The following ZNF135 variants were observed in gnomAD, a reference collection of about 807,000 sequenced individuals.
ZNF135 encodes the protein zinc finger protein 135 (clone pHZ-17).
In ZNF135, 11 loss-of-function variants were observed where a neutral mutation model predicts 12.3. The observed-to-expected ratio is 0.89, with a 90% CI of 0.56 to 1.48. The LOEUF is 1.48. Ranked by LOEUF, ZNF135 falls within the 40% of genes most tolerant of loss-of-function variation. The pLI is 0.00. For synonymous variants in ZNF135, 316 were observed against 312.0 expected (o/e 1.01, Z -0.14); for missense variants, 722 against 815.7 (o/e 0.89, Z 1.40).
In ZNF135 at chr19:58,067,198, A is replaced by G. The variant is rs200166263; in HGVS notation, c.714A>G (p.Gly238=). 3.1e-6 allele frequency: 5 copies of G among 1,613,994 alleles called. No homozygotes were observed. The highest frequency in any genetic ancestry group is 1.3e-5 in the African/African-American group (1 of 74,932). ...TCGAACACCACCGGACGCACACAGG[A>G]GAGAGACCTTACGAATGTCACGAAT... The part of the protein sequence containing the change: ...ALIEHHRTHT[G]ERPYECHECL... The change falls in exon 5 of 5, where the codon GGA becomes GGG. Residue 238 remains glycine (G), a synonymous_variant. Transcript: ENST00000313434.
chr19:58,060,046 C>T lies in ZNF135; in HGVS notation c.33+11C>T, dbSNP rs559449826. ...GTCTCCACAGACCCGGTGAGAATCT[C>T]GGCCTCCTTGCGCGTGTCCTCCACC... On this transcript the variant is annotated intron_variant, in intron 2 of 4. Transcript: ENST00000313434. The surrounding 1 kb of genome is among the most constrained non-coding windows in gnomAD (Gnocchi z 4.9). The T allele has an allele frequency of 1.1e-5, 17 of 1,613,236 alleles. No individual in the cohort carries two copies. The highest frequency in any genetic ancestry group is 1.3e-5 in the African/African-American group (1 of 75,020).
Position 58,059,360 on chromosome 19 carries a change from C to CGGGCT in ZNF135, c.-35+54_-35+55insTGGGC, listed in dbSNP as rs1248483451. 2.8e-6 allele frequency: 2 copies of CGGGCT among 702,662 alleles called. No homozygotes were observed. The highest frequency in any genetic ancestry group is 5.0e-5 in the African/African-American group (2 of 39,624). The allele number at this position is 702,662 out of a possible 1,614,324, so 43.5% of individuals were successfully genotyped here. On this transcript the variant is annotated intron_variant, in intron 1 of 4. Coordinates refer to ENST00000313434, the MANE Select transcript of ZNF135 (RefSeq NM_001289401.2). The surrounding 1 kb of genome is among the most constrained non-coding windows in gnomAD (Gnocchi z 6.5). ...GAGGGGAGGCCAGGCCGGGCCGGGC[C>CGGGCT]GGGCCGGGTGCGGGGGGTCCGGGGA...
chr19:58,060,075 T>TG lies in ZNF135; in HGVS notation c.33+41dup. On this transcript the variant is annotated intron_variant, in intron 2 of 4. Coordinates refer to ENST00000313434, the MANE Select transcript of ZNF135 (RefSeq NM_001289401.2). The surrounding 1 kb of genome is among the most constrained non-coding windows in gnomAD (Gnocchi z 4.9). Reference sequence around the variant, plus strand: ...CTCCTTGCGCGTGTCCTCCACCTCGTGCCCGGCCTCCTCGCGCGCGGCCTT... The same window carrying TG: ...CTCCTTGCGCGTGTCCTCCACCTCGTGGCCCGGCCTCCTCGCGCGCGGCCTT... 6.2e-7 allele frequency: 1 copy of TG among 1,611,704 alleles called. No individual in the cohort carries two copies. Among genetic ancestry groups the TG allele is most frequent in the Non-Finnish European group, 8.5e-7 (1 of 1,179,670 alleles).
Position 58,068,358 on chromosome 19 carries a change from G to C in ZNF135, c.1874G>C (p.Arg625Pro). 1.2e-6 allele frequency: 2 copies of C among 1,611,432 alleles called. No individual in the cohort carries two copies. Among genetic ancestry groups the C allele is most frequent in the Non-Finnish European group, 1.7e-6 (2 of 1,179,134 alleles). Residue 625 changes from arginine (R) to proline (P), a missense_variant, in exon 5 of 5, where the codon CGG becomes CCG. Arg to Pro is a moderately radical substitution (Grantham distance 103). Coordinates refer to ENST00000313434, the MANE Select transcript of ZNF135 (RefSeq NM_001289401.2). ...FRQSTHLTQHRRIHTGEKPYA... is the reference protein window; with the variant it reads ...FRQSTHLTQHPRIHTGEKPYA... ...CAGAGCACCCACCTCACTCAGCACC[G>C]GAGGATCCACACAGGAGAGAAGCCA...
At position 58,067,189 on chromosome 19, in the gene ZNF135, G is replaced by A. The variant is rs764214997; in HGVS notation, c.705G>A (p.Thr235=). The change falls in exon 5 of 5, where the codon ACG becomes ACA. Residue 235 remains threonine (T), a synonymous_variant. Coordinates refer to ENST00000313434, the MANE Select transcript of ZNF135 (RefSeq NM_001289401.2). The part of the protein sequence containing the change: ...HSSALIEHHR[T]HTGERPYECH... ...CAGCACTTATCGAACACCACCGGAC[G>A]CACACAGGAGAGAGACCTTACGAAT... 12 of 1,614,054 alleles carry A rather than the reference G, an allele frequency of 7.4e-6. No individual in the cohort carries two copies. The highest frequency in any genetic ancestry group is 1.1e-5 in the South Asian group (1 of 91,078).
At position 58,067,318 on chromosome 19, in the gene ZNF135, C is replaced by T. The variant is rs1372404634; in HGVS notation, c.834C>T (p.Thr278=). The part of the protein sequence containing the change: ...KPYKCTQCGR[T]FNQIAPLIQH... ...ATAAATGCACTCAGTGTGGGAGGAC[C>T]TTCAACCAAATTGCCCCACTGATCC... The change falls in exon 5 of 5, where the codon ACC becomes ACT. Residue 278 remains threonine (T), a synonymous_variant. Transcript: ENST00000313434. 1 of 1,614,068 alleles carries T rather than the reference C, an allele frequency of 6.2e-7. No homozygotes were observed. The highest frequency in any genetic ancestry group is 1.3e-5 in the African/African-American group (1 of 74,926).
Position 58,060,331 on chromosome 19 carries a change from C to T in ZNF135, c.33+296C>T, listed in dbSNP as rs1240212909. 3.8e-6 allele frequency: 5 copies of T among 1,332,668 alleles called. No individual in the cohort carries two copies. Among genetic ancestry groups the T allele is most frequent in the Non-Finnish European group, 4.8e-6 (5 of 1,037,646 alleles). 82.6% of individuals were successfully genotyped at this position (1,332,668 alleles called of 1,614,324 possible). On this transcript the variant is annotated intron_variant, in intron 2 of 4. Coordinates refer to ENST00000313434, the MANE Select transcript of ZNF135 (RefSeq NM_001289401.2). This position sits in a 1 kb window ranked among gnomAD's most constrained non-coding sequence, Gnocchi z 4.9. ...CGGCCTCTACCTGCACACCCGGCCT[C>T]CTAAAGTCCGCGCCAAGCTCCCCAA...
In ZNF135 at chr19:58,067,911, G is replaced by A. The variant is rs534584554; in HGVS notation, c.1427G>A (p.Arg476Gln). ...TGCAGTCAGTGTGGGAAGGCCTTCCGGCAGAGCACACACCTCACCCAACAC... is the reference window on the plus strand; with the variant it reads ...TGCAGTCAGTGTGGGAAGGCCTTCCAGCAGAGCACACACCTCACCCAACAC... ...YECSQCGKAF[R>Q]QSTHLTQHQR... The change falls in exon 5 of 5, where the codon CGG becomes CAG. Residue 476 changes from arginine to glutamine, a missense_variant. Physicochemically the swap from Arg to Gln is conservative, Grantham distance 43. Coordinates refer to ENST00000313434, the MANE Select transcript of ZNF135 (RefSeq NM_001289401.2). 71 of 1,613,012 alleles carry A rather than the reference G, an allele frequency of 4.4e-5. No homozygotes were observed. The highest frequency in any genetic ancestry group is 1.7e-4 in the Middle Eastern group (1 of 6,056).
rs746327502 is a variant in ZNF135, at chr19:58,061,662, A to T, written c.116A>T (p.Tyr39Phe). The T allele has an allele frequency of 6.2e-7, 1 of 1,613,248 alleles. No homozygotes were observed. The highest frequency in any genetic ancestry group is 1.7e-5 in the Admixed American group (1 of 59,866). Reference sequence around the variant, plus strand: ...CTGAAGCCTGCCCAGAGGACCCTGTACCGTGATGTAATGCTGGACACCTTC... The same window carrying T: ...CTGAAGCCTGCCCAGAGGACCCTGTTCCGTGATGTAATGCTGGACACCTTC... ...GQLKPAQRTL[Y>F]RDVMLDTFRL... The change falls in exon 3 of 5, where the codon TAC (tyrosine) becomes TTC (phenylalanine). Residue 39 changes from tyrosine to phenylalanine, a missense_variant. Physicochemically the swap from Tyr to Phe is conservative, Grantham distance 22. Coordinates refer to ENST00000313434, the MANE Select transcript of ZNF135 (RefSeq NM_001289401.2).
chr19:58,061,087 C>G lies in ZNF135; in HGVS notation c.34-493C>G, dbSNP rs559644601. Among the ~76,000 whole-genome samples the G allele has an allele frequency of 1.1e-3, 170 of 151,532 alleles. 1 individual carries two copies. The highest frequency in any genetic ancestry group is 3.9e-3 in the African/African-American group (162 of 41,266). Reference sequence around the variant, plus strand: ...AGCTTGCAGTGAGCCAAGATCATGCCACTGCACTCTAGCCTGGGCGACAAA... The same window carrying G: ...AGCTTGCAGTGAGCCAAGATCATGCGACTGCACTCTAGCCTGGGCGACAAA... On this transcript the variant is annotated intron_variant, in intron 2 of 4. Coordinates refer to ENST00000313434, the MANE Select transcript of ZNF135 (RefSeq NM_001289401.2).
At chr19:58,064,729 CAA>C (rs56376424) in intron 4 of ZNF135, among the ~76,000 whole-genome samples, 6 of 141,150 alleles carry the variant, frequency 4.3e-5, no homozygotes, top group East Asian at 2.1e-4. Context: ...AAAAAAAATA[CAA>C]AAAAAAAAAA....
rs1355211303 is a variant in ZNF135 at position 58,067,950 on chromosome 19, C to T, written c.1466C>T (p.Thr489Ile). ...THLTQHQRIH[T>I]GEKPYECNDC... Reference sequence around the variant, plus strand: ...CTCACCCAACACCAGCGAATCCACACAGGGGAGAAGCCCTATGAATGCAAT... The same window carrying T: ...CTCACCCAACACCAGCGAATCCACATAGGGGAGAAGCCCTATGAATGCAAT... The change falls in exon 5 of 5, where the codon ACA (threonine) becomes ATA (isoleucine). Residue 489 changes from threonine to isoleucine, a missense_variant. Transcript: ENST00000313434. 1.9e-6 allele frequency: 3 copies of T among 1,614,094 alleles called. No homozygotes were observed. The highest frequency in any genetic ancestry group is 2.7e-5 in the African/African-American group (2 of 74,996).
intron 4 of ZNF135, among the ~76,000 whole-genome samples, chr19:58,064,489 A>G (rs374403545): frequency 9.9e-5 from 15 of 152,282 alleles, no homozygotes; most frequent in African/African-American, 3.1e-4. Flanking sequence ...CTTCCATTTA[A>G]TGCATAGTAA....
In ZNF135 at chr19:58,059,667, G is replaced by T; in HGVS notation, c.-34-302G>T. 1 of 521,788 alleles carries T rather than the reference G, an allele frequency of 1.9e-6. No individual in the cohort carries two copies. Among genetic ancestry groups the T allele is most frequent in the Non-Finnish European group, 3.4e-6 (1 of 297,640 alleles). The allele number at this position is 521,788 out of a possible 1,614,324, so 32.3% of individuals were successfully genotyped here. A position where few individuals can be genotyped will look rare whatever the true frequency, so the allele number is the denominator to read the frequency against. On this transcript the variant is annotated intron_variant, in intron 1 of 4. Transcript: ENST00000313434. This position sits in a 1 kb window ranked among gnomAD's most constrained non-coding sequence, Gnocchi z 6.5. ...TGGAAGAGAGAAACTGAGGCATAGT[G>T]CCCAGGGCCAGGGGACCGCAACCAC... is the stretch of plus-strand genomic sequence containing the variant.
rs1568611049 is a variant in ZNF135 at position 58,060,343 on chromosome 19, G to A, written c.33+308G>A. 3 of 1,309,124 alleles carry A rather than the reference G, an allele frequency of 2.3e-6. No homozygotes were observed. Among genetic ancestry groups the A allele is most frequent in the African/African-American group, 1.5e-5 (1 of 66,110 alleles). The allele number at this position is 1,309,124 out of a possible 1,614,324, so 81.1% of individuals were successfully genotyped here. On this transcript the variant is annotated intron_variant, in intron 2 of 4. Coordinates refer to ENST00000313434, the MANE Select transcript of ZNF135 (RefSeq NM_001289401.2). The surrounding 1 kb of genome is among the most constrained non-coding windows in gnomAD (Gnocchi z 4.9). ...GCACACCCGGCCTCCTAAAGTCCGC[G>A]CCAAGCTCCCCAACCACAGCCTGCC... is the stretch of plus-strand genomic sequence containing the variant.
chr19:58,061,653 G>C lies in ZNF135; in HGVS notation c.107G>C (p.Arg36Thr). 6.2e-7 allele frequency: 1 copy of C among 1,613,762 alleles called. No homozygotes were observed. The highest frequency in any genetic ancestry group is 1.1e-5 in the South Asian group (1 of 90,970). ...TGGGGGCAGCTGAAGCCTGCCCAGA[G>C]GACCCTGTACCGTGATGTAATGCTG... ...EEWGQLKPAQ[R>T]TLYRDVMLDT... The change falls in exon 3 of 5, where the codon AGG becomes ACG. Residue 36 changes from arginine (R) to threonine (T), a missense_variant. Transcript: ENST00000313434.
chr19:58,066,632 T>C, intron 4 of ZNF135, 109 bp from the exon 5 acceptor site: 1 of 1,457,584 alleles, frequency 6.9e-7, no homozygotes, highest in Admixed American at 2.3e-5. Context: ...CACTTGAACC[T>C]TGAACGTTTC....
chr19:58,063,377 G>A lies in ZNF135; in HGVS notation c.161-69G>A, dbSNP rs1371312293. The A allele has an allele frequency of 5.0e-6, 8 of 1,599,340 alleles. No homozygotes were observed. In the East Asian group the frequency reaches 1.6e-4, roughly 32 times the overall value. ...ATCTGGGACCTGGAAGACCAAAGGT[G>A]GAATGGGCTGAGGCTCAGGAAGGGT... On this transcript the variant is annotated intron_variant, in intron 3 of 4. Coordinates refer to ENST00000313434, the MANE Select transcript of ZNF135 (RefSeq NM_001289401.2). This position sits in a 1 kb window ranked among gnomAD's most constrained non-coding sequence, Gnocchi z 4.4.
At position 58,065,764 on chromosome 19, in the gene ZNF135, G is replaced by A. The variant is rs913667938; in HGVS notation, c.257-977G>A. On this transcript the variant is annotated intron_variant, in intron 4 of 4. Coordinates refer to ENST00000313434, the MANE Select transcript of ZNF135 (RefSeq NM_001289401.2). The surrounding 1 kb of genome is among the most constrained non-coding windows in gnomAD (Gnocchi z 4.0). Reference sequence around the variant, plus strand: ...GTAATTGGAAACATACAGGTTATAGGGTTAGGATGTGGGCATCTTGGGAAG... The same window carrying A: ...GTAATTGGAAACATACAGGTTATAGAGTTAGGATGTGGGCATCTTGGGAAG... Among the ~76,000 whole-genome samples the A allele has an allele frequency of 6.6e-6, 1 of 151,696 alleles. No homozygotes were observed. The highest frequency in any genetic ancestry group is 6.6e-5 in the Admixed American group (1 of 15,262).
Sources: gnomAD v4.1 joint callset for allele counts (sites outside exome capture counted in the v4.1 genomes callset) on GRCh38, gnomAD v4.1.1 for gene constraint, Gnocchi (gnomAD v3.1) non-coding constraint, MANE v1.5 for transcripts, NCBI Gene and HGNC (gene_info 2026-07-23, HGNC 2026-07-21) for gene names.